Variants in TTC7A observed in about 807,000 individuals in gnomAD.
The protein encoded by TTC7A is tetratricopeptide repeat protein 7A.
A neutral mutation model predicts 103.7 loss-of-function variants in TTC7A; 110 were observed. The ratio of observed to expected loss-of-function variants is 1.06; its 90% CI spans 0.91 to 1.24. TTC7A has a LOEUF of 1.24. Ranked by LOEUF, TTC7A falls within the 50% of genes most tolerant of loss-of-function variation. TTC7A has a pLI of 0.00. For synonymous variants in TTC7A, 521 were observed against 467.9 expected (o/e 1.11, Z -1.47); for missense variants, 1,340 against 1,116.3 (o/e 1.20, Z -2.86).
At chr2:46,952,171 G>A (rs910308202) in intron 2 of TTC7A, among the ~76,000 whole-genome samples, 2 of 151,958 alleles carry the variant, frequency 1.3e-5, no homozygotes, top group African/African-American at 4.8e-5. Flanking sequence ...ACTGCTTTTA[G>A]GCTCCTTGAC....
chr2:46,960,064 C>G (rs899077798), intron 3 of TTC7A, among the ~76,000 whole-genome samples: 11 of 152,190 alleles, frequency 7.2e-5, no homozygotes, highest in Admixed American at 5.2e-4. Context: ...TCCTGGTCCC[C>G]TAACATTTGA....
intron 11 of TTC7A, among the ~76,000 whole-genome samples, chr2:47,014,637 A>G (rs918801865): frequency 2.6e-5 from 4 of 152,178 alleles, no homozygotes; most frequent in African/African-American, 9.7e-5. Context: ...TGCATGAGAC[A>G]GGGCACAGAT....
intron 3 of TTC7A, among the ~76,000 whole-genome samples, chr2:46,962,018 G>A (rs1324042847): frequency 6.6e-6 from 1 of 152,196 alleles, no homozygotes; most frequent in Non-Finnish European, 1.5e-5. Flanking sequence ...GACTCCATGT[G>A]CTCATGGCTG....
chr2:46,990,007 C>T (rs1283955157), intron 5 of TTC7A, among the ~76,000 whole-genome samples: 1 of 152,180 alleles, frequency 6.6e-6, no homozygotes, highest in African/African-American at 2.4e-5. Flanking sequence ...GAAGGGGCCA[C>T]AGTCATTCTT....
intron 3 of TTC7A, among the ~76,000 whole-genome samples, chr2:46,957,546 G>C (rs1671982839): frequency 1.3e-5 from 2 of 152,308 alleles, no homozygotes; most frequent in South Asian, 4.1e-4. Context: ...TGATGAACAG[G>C]TCAGAACCAG....
rs780242031 is a variant in TTC7A at position 46,978,918 on chromosome 2, G to T, written c.764+11G>T. On this transcript the variant is annotated intron_variant, in intron 5 of 19. Transcript: ENST00000319190. ...AAACCTGAAGAAGGGGTAGGTCACT[G>T]GTAGTTGAGTGAGTGGGAGAACGAT... 1 of 1,596,290 alleles carries T rather than the reference G, an allele frequency of 6.3e-7. No individual in the cohort carries two copies. The highest frequency in any genetic ancestry group is 1.1e-5 in the South Asian group (1 of 90,696).
chr2:46,979,843 A>T (rs1674259533), intron 5 of TTC7A, among the ~76,000 whole-genome samples: 1 of 152,078 alleles, frequency 6.6e-6, no homozygotes, highest in Middle Eastern at 3.2e-3. Context: ...ACAACCTTAG[A>T]CAGACACAGT....
chr2:46,920,663 A>G (rs1355553127), intron 2 of TTC7A, among the ~76,000 whole-genome samples: 1 of 149,898 alleles, frequency 6.7e-6, no homozygotes, highest in African/African-American at 2.5e-5. Context: ...AAAAAAAAAA[A>G]TAGATAAATT....
At chr2:47,053,029 T>C (rs1029079318) in intron 18 of TTC7A, among the ~76,000 whole-genome samples, 1 of 152,192 alleles carries the variant, frequency 6.6e-6, no homozygotes, top group African/African-American at 2.4e-5. Flanking sequence ...CACATTAGTA[T>C]GCAGTACGCC....
intron 2 of TTC7A, among the ~76,000 whole-genome samples, chr2:46,926,960 C>A (rs1669414975): frequency 6.8e-6 from 1 of 147,854 alleles, no homozygotes; most frequent in African/African-American, 2.6e-5. Context: ...AATTTGTGAA[C>A]AGAAAAATAT....
At chr2:46,989,028 T>C (rs112861696) in intron 5 of TTC7A, among the ~76,000 whole-genome samples, 1 of 152,170 alleles carries the variant, frequency 6.6e-6, no homozygotes. Flanking sequence ...ACCAGCCTCA[T>C]TAGAAGCTGC....
chr2:46,976,781 A>C (rs1347383568), intron 4 of TTC7A, among the ~76,000 whole-genome samples: 1 of 152,214 alleles, frequency 6.6e-6, no homozygotes, highest in Non-Finnish European at 1.5e-5. Context: ...AAATGTCTTC[A>C]GTTACTGGCA....
At chr2:47,059,884 C>T (rs571853671) in intron 18 of TTC7A, among the ~76,000 whole-genome samples, 5 of 152,212 alleles carry the variant, frequency 3.3e-5, no homozygotes, top group East Asian at 1.9e-4. Context: ...GTGCAAGGTG[C>T]GGTGGCTCAT....
At chr2:46,994,749 G>A (rs1220270109) in intron 7 of TTC7A, among the ~76,000 whole-genome samples, 1 of 152,212 alleles carries the variant, frequency 6.6e-6, no homozygotes, top group African/African-American at 2.4e-5. Context: ...TCATTTAGAA[G>A]TTACCTGTCT....
chr2:46,944,646 C>T (rs1206904674), intron 1 of TTC7A, among the ~76,000 whole-genome samples: 1 of 152,030 alleles, frequency 6.6e-6, no homozygotes, highest in Non-Finnish European at 1.5e-5. Context: ...TCACTTGAGG[C>T]CAGGAGTTCG....
At position 47,074,101 on chromosome 2, in the gene TTC7A, T is replaced by A; in HGVS notation, c.*178T>A. 1.7e-6 allele frequency: 1 copy of A among 605,460 alleles called. No individual in the cohort carries two copies. Among genetic ancestry groups the A allele is most frequent in the Non-Finnish European group, 2.9e-6 (1 of 342,744 alleles). The allele number at this position is 605,460 out of a possible 1,614,324, so 37.5% of individuals were successfully genotyped here. ...GCTGGGCCAAGAGGGCCTTCCTGGA[T>A]TTCTTTGTTGGTGCCTTGGGAAACA... is the stretch of plus-strand genomic sequence containing the variant. On this transcript the variant is annotated 3_prime_UTR_variant, in exon 20 of 20. Transcript: ENST00000319190.
At chr2:46,943,656 G>C (rs1031734691) in intron 1 of TTC7A, among the ~76,000 whole-genome samples, 22 of 152,284 alleles carry the variant, frequency 1.4e-4, no homozygotes, top group African/African-American at 5.1e-4. Flanking sequence ...TTCTCTACAG[G>C]GTTCCTTGAT....
In TTC7A at chr2:46,994,362, G is replaced by A. The variant is rs763190482; in HGVS notation, c.849G>A (p.Ala283=). ...AGTGCTTCCCTCTCTGCCAGATGGC[G>A]GCCAAGCACCTGGCGGGGGTCCTGC... ...TKATQNFKVM[A]AKHLAGVLLH... Residue 283 remains alanine (A), a synonymous_variant, in exon 7 of 20, where the codon GCG becomes GCA. Coordinates refer to ENST00000319190, the MANE Select transcript of TTC7A (RefSeq NM_020458.4). 9.3e-6 allele frequency: 15 copies of A among 1,612,210 alleles called. No individual in the cohort carries two copies. The highest frequency in any genetic ancestry group is 4.4e-5 in the South Asian group (4 of 90,904).
chr2:47,023,240 G>A (rs1313052273), intron 12 of TTC7A, among the ~76,000 whole-genome samples, 168 bp from the exon 13 acceptor site: 3 of 152,240 alleles, frequency 2.0e-5, no homozygotes, highest in Non-Finnish European at 4.4e-5. Context: ...GCCAAGGAAT[G>A]TGCTAGAAGC....
Sources: allele counts gnomAD v4.1 joint callset (sites outside exome capture counted in the v4.1 genomes callset), GRCh38; gene constraint gnomAD v4.1.1; transcripts MANE v1.5; gene names NCBI Gene and HGNC (gene_info 2026-07-23, HGNC 2026-07-21).